Variants in RGSL1 observed in about 807,000 individuals in gnomAD.
The protein encoded by RGSL1 is regulator of G protein signaling protein-like.
A neutral mutation model predicts 124.7 loss-of-function variants in RGSL1; 97 were observed. The ratio of observed to expected loss-of-function variants is 0.78; its 90% CI spans 0.66 to 0.92. The LOEUF is 0.92. Ranked by LOEUF, RGSL1 falls within the 40% of genes least tolerant of loss-of-function variation. The pLI is 0.00. For missense variants in RGSL1, 1,233 were observed against 1,288.4 expected (o/e 0.96, Z 0.66); for synonymous variants, 424 against 438.1 (o/e 0.97, Z 0.40).
intron 15 of RGSL1, among the ~76,000 whole-genome samples, chr1:182,547,486 C>A (rs955916104): frequency 1.3e-4 from 20 of 152,154 alleles, no homozygotes; most frequent in Non-Finnish European, 2.9e-5. Flanking sequence ...CCTTGCTTGA[C>A]CTCTACAAAC....
At chr1:182,449,557 A>G (rs2101967410), upstream of RGSL1, among the ~76,000 whole-genome samples, 1 of 152,334 alleles carries the variant, frequency 6.6e-6, no homozygotes, top group Non-Finnish European at 1.5e-5. Flanking sequence ...AGAAATGAAG[A>G]GTTGTTTAAT....
chr1:182,525,200 A>C (rs1417424262), intron 10 of RGSL1, among the ~76,000 whole-genome samples: 1 of 152,176 alleles, frequency 6.6e-6, no homozygotes, highest in African/African-American at 2.4e-5. Context: ...ATAATATATT[A>C]TCCCAAATTC....
chr1:182,494,342 C>T (rs749569677), intron 9 of RGSL1, among the ~76,000 whole-genome samples: 1 of 152,192 alleles, frequency 6.6e-6, no homozygotes, highest in Non-Finnish European at 1.5e-5. Flanking sequence ...CTAGTAGAAG[C>T]ATTCTGCCTC....
intron 9 of RGSL1, among the ~76,000 whole-genome samples, chr1:182,519,349 T>C (rs1452326255): frequency 1.3e-5 from 2 of 152,212 alleles, no homozygotes; most frequent in Non-Finnish European, 2.9e-5. Context: ...ATACAGTTTC[T>C]GGATGGAGAA....
rs1323658668 is a variant in RGSL1, at chr1:182,530,917, G to A, written c.2364+7G>A. 1.9e-6 allele frequency: 3 copies of A among 1,544,358 alleles called. No individual in the cohort carries two copies. The African/African-American group carries it at 4.1e-5, about 21-fold the overall frequency. On this transcript the variant is annotated splice_region_variant and intron_variant, in intron 13 of 21. Coordinates refer to ENST00000294854, the MANE Select transcript of RGSL1 (RefSeq NM_001137669.2). ...TTACCTACAGGAATCCCAGGTTAGT[G>A]AAGAAGAAAGTGAAACAAGACATTA...
At position 182,554,624 on chromosome 1, in the gene RGSL1, T is replaced by C; in HGVS notation, c.3131-3T>C. 4 of 1,551,544 alleles carry C rather than the reference T, an allele frequency of 2.6e-6. No homozygotes were observed. Among genetic ancestry groups the C allele is most frequent in the Non-Finnish European group, 2.6e-6 (3 of 1,146,910 alleles). On this transcript the variant is annotated splice_region_variant and splice_polypyrimidine_tract_variant and intron_variant, in intron 19 of 21. Transcript: ENST00000294854. ...TGCAATTTTTCTCTGTATTTCTCTT[T>C]AGCTTCATCAAGCAAACTTACTCAG...
At chr1:182,501,298 TTTTC>T (rs1656349016) in intron 9 of RGSL1, among the ~76,000 whole-genome samples, 1 of 133,390 alleles carries the variant, frequency 7.5e-6, no homozygotes, top group Admixed American at 8.8e-5. Context: ...TTCTTTTCTT[TTTTC>T]TTTTCTTTTT....
intron 9 of RGSL1, among the ~76,000 whole-genome samples, chr1:182,521,703 G>A (rs1658351215): frequency 6.6e-6 from 1 of 152,162 alleles, no homozygotes; most frequent in Non-Finnish European, 1.5e-5. Context: ...GGTTGGAGGA[G>A]GCCTGACATT....
At chr1:182,518,317 G>A (rs963883771) in intron 9 of RGSL1, among the ~76,000 whole-genome samples, 2 of 152,174 alleles carry the variant, frequency 1.3e-5, no homozygotes, top group African/African-American at 4.8e-5. Context: ...CTCAGTTCTA[G>A]TAAAGGATTG....
chr1:182,487,544 G>C (rs1655183491), intron 6 of RGSL1, among the ~76,000 whole-genome samples: 1 of 152,188 alleles, frequency 6.6e-6, no homozygotes, highest in African/African-American at 2.4e-5. Flanking sequence ...TACTTATCCT[G>C]CAAGGTGCAC....
At chr1:182,558,054 AGAAGGAAG>A (rs111778820) in intron 21 of RGSL1, among the ~76,000 whole-genome samples, 2 of 151,552 alleles carry the variant, frequency 1.3e-5, no homozygotes, top group Middle Eastern at 3.4e-3. Flanking sequence ...AGGAATAAAA[AGAAGGAAG>A]GAAGGAAGGA....
At chr1:182,501,276 CT>C (rs146583791) in intron 9 of RGSL1, among the ~76,000 whole-genome samples, 2 of 112,564 alleles carry the variant, frequency 1.8e-5, no homozygotes, top group African/African-American at 3.3e-5. Flanking sequence ...CTCTTTCTTT[CT>C]TTTTTTTCTT....
chr1:182,555,962 G>A, intron 20 of RGSL1, 62 bp from the exon 21 acceptor site: 1 of 1,442,740 alleles, frequency 6.9e-7, no homozygotes, highest in Non-Finnish European at 9.5e-7. Context: ...CAAACCAACA[G>A]AGAATGCAAC....
At position 182,560,462 on chromosome 1, in the gene RGSL1, G is replaced by A. The variant is rs551196090; in HGVS notation, c.*349G>A. ...AAAATACATCTATCCCTCATTTTGAGAGCCTCCAACTGATCCAAGTGTCAT... is the reference window on the plus strand; with the variant it reads ...AAAATACATCTATCCCTCATTTTGAAAGCCTCCAACTGATCCAAGTGTCAT... On this transcript the variant is annotated 3_prime_UTR_variant, in exon 22 of 22. Transcript: ENST00000294854. The A allele has an allele frequency of 1.3e-5, 2 of 152,264 alleles. No homozygotes were observed. The highest frequency in any genetic ancestry group is 2.1e-4 in the South Asian group (1 of 4,816). The allele number at this position is 152,264 out of a possible 1,614,324, so 9.4% of individuals were successfully genotyped here.
At chr1:182,458,471 T>A in intron 3 of RGSL1, 78 bp downstream of exon 3, 1 of 1,237,538 alleles carries the variant, frequency 8.1e-7, no homozygotes, top group Non-Finnish European at 1.1e-6. Flanking sequence ...TGTTAATTTG[T>A]TTTTGTTTTT....
Position 182,518,049 on chromosome 1 carries a change from G to T in RGSL1, c.1826-3955G>T, listed in dbSNP as rs568407478. Among the ~76,000 whole-genome samples the T allele has an allele frequency of 2.2e-4, 20 of 90,180 alleles. No individual in the cohort carries two copies. In the South Asian group the frequency reaches 5.8e-3, roughly 26 times the overall value. 59.2% of individuals were successfully genotyped at this position (90,180 alleles called of 152,430 possible). A position where few individuals can be genotyped will look rare whatever the true frequency, so the allele number is the denominator to read the frequency against. ...TTTGCTTAGAGGTTTTTTGTTGTTT[G>T]TTTGTTTTGAGACAGAGTTTTGCTC... is the stretch of plus-strand genomic sequence containing the variant. On this transcript the variant is annotated intron_variant, in intron 9 of 21. Coordinates refer to ENST00000294854, the MANE Select transcript of RGSL1 (RefSeq NM_001137669.2).
Position 182,551,188 on chromosome 1 carries a change from A to G in RGSL1, c.3022A>G (p.Lys1008Glu). Residue 1008 changes from lysine to glutamate, a missense_variant, in exon 18 of 22, where the codon AAG becomes GAG. Transcript: ENST00000294854. ...DRKSPPKSTD[K>E]YPFSSGGDNA... ...AAAAAGCCCTCCTAAATCTACGGAC[A>G]AGTATCCTTTCTCGAGTGGAGGTAA... The G allele has an allele frequency of 4.5e-6, 7 of 1,551,406 alleles. No individual in the cohort carries two copies. The highest frequency in any genetic ancestry group is 6.1e-6 in the Non-Finnish European group (7 of 1,146,746).
At chr1:182,553,007 C>A (rs1660660533) in intron 18 of RGSL1, among the ~76,000 whole-genome samples, 1 of 152,166 alleles carries the variant, frequency 6.6e-6, no homozygotes, top group South Asian at 2.1e-4. Flanking sequence ...TGGGTTCAAG[C>A]AATTCTCCTG....
chr1:182,453,862 G>T, intron 1 of RGSL1, 96 bp from the exon 2 acceptor site: 1 of 691,364 alleles, frequency 1.4e-6, no homozygotes. Context: ...GCTGAGATTT[G>T]GCAACGTGAA....
Sources: allele counts gnomAD v4.1 joint callset (sites outside exome capture counted in the v4.1 genomes callset), GRCh38; gene constraint gnomAD v4.1.1; transcripts MANE v1.5; gene names NCBI Gene and HGNC (gene_info 2026-07-23, HGNC 2026-07-21).